Variants in SMIM29 observed in about 807,000 individuals in gnomAD.
SMIM29 encodes the protein uncharacterized protein C6orf1.
A neutral mutation model predicts 12.9 loss-of-function variants in SMIM29; 4 were observed. The ratio of observed to expected loss-of-function variants is 0.31; its 90% confidence interval spans 0.15 to 0.71. The LOEUF (loss-of-function observed/expected upper bound fraction) is 0.71. Ranked by LOEUF, SMIM29 falls within the 30% of genes least tolerant of loss-of-function variation. The probability of loss-of-function intolerance (pLI) is 0.70; values close to 1 mark genes in which losing one functional copy is unlikely to be tolerated. For synonymous variants in SMIM29, 50 were observed against 52.0 expected, an observed-to-expected ratio of 0.96 and a Z score of 0.17; for missense variants, 122 against 138.1, an observed-to-expected ratio of 0.88 and a Z score of 0.58.
rs1380484655 is a variant in SMIM29 at position 34,246,467 on chromosome 6, C to T, written c.*336G>A. ...TCTGGCCCCATCACCATGGAAACAACTCCAAAGCCTGCCTGGGGATTTGTG... is the reference window on the plus strand; with the variant it reads ...TCTGGCCCCATCACCATGGAAACAATTCCAAAGCCTGCCTGGGGATTTGTG... On this transcript the variant is annotated 3_prime_UTR_variant, in exon 5 of 5. Coordinates refer to ENST00000476320, the MANE Select transcript of SMIM29 (RefSeq NM_001008703.4). 3.3e-6 allele frequency: 5 copies of T among 1,515,298 alleles called. No homozygotes were observed. Among genetic ancestry groups the T allele is most frequent in the Non-Finnish European group, 3.5e-6 (4 of 1,133,318 alleles). 93.9% of individuals were successfully genotyped at this position (1,515,298 alleles called of 1,614,324 possible).
intron 4 of SMIM29, 60 bp downstream of exon 4, chr6:34,246,984 G>C: frequency 6.2e-7 from 1 of 1,612,290 alleles, no homozygotes. Context: ...GACGAGTATG[G>C]CTGGGAACAG....
intron 3 of SMIM29, 83 bp from the exon 4 acceptor site, chr6:34,247,232 C>G (rs1762832736): frequency 6.2e-7 from 1 of 1,604,570 alleles, no homozygotes; most frequent in Non-Finnish European, 8.5e-7. Context: ...CTCCCTTTCC[C>G]AGGCAGGGGC....
At chr6:34,248,226 G>T in intron 1 of SMIM29, 1 of 985,472 alleles carries the variant, frequency 1.0e-6, no homozygotes, top group Non-Finnish European at 1.2e-6. Context: ...GCCAGCACCT[G>T]TCCAGTGGAG....
At chr6:34,246,921 G>A (rs1762807694) in intron 4 of SMIM29, 53 bp from the exon 5 acceptor site, 2 of 1,597,708 alleles carry the variant, frequency 1.3e-6, no homozygotes, top group African/African-American at 1.3e-5. Flanking sequence ...CTGGGAGTCT[G>A]CAGCACCCAG....
rs746067941 is a variant in SMIM29 at position 34,246,863 on chromosome 6, T to C, written c.249A>G (p.Val83=). ...LLSDMGDPKV[V]HGWQSGYQHK... is the part of the protein sequence containing the mutation. ...GCTGGTAGCCACTCTGCCAGCCATG[T>C]ACCACCTGTCGGGGAGGAGACCACA... Residue 83 remains valine, a synonymous_variant, in exon 5 of 5, where the codon GTA becomes GTG. Coordinates refer to ENST00000476320, the MANE Select transcript of SMIM29 (RefSeq NM_001008703.4). 1.9e-6 allele frequency: 3 copies of C among 1,608,064 alleles called. No individual in the cohort carries two copies. The highest frequency in any genetic ancestry group is 3.3e-5 in the Admixed American group (2 of 59,882).
At position 34,247,033 on chromosome 6, in the gene SMIM29, C is replaced by G. The variant is rs1317757286; in HGVS notation, c.243+11G>C. On this transcript the variant is annotated intron_variant, in intron 4 of 4. Transcript: ENST00000476320. ...CTTGCCTCATTCTCCCCCTGGCCCC[C>G]AAGTGCTCACCTTGGGGTCTCCCAT... is the stretch of plus-strand genomic sequence containing the variant. 6.2e-7 allele frequency: 1 copy of G among 1,614,104 alleles called. No homozygotes were observed. The highest frequency in any genetic ancestry group is 8.5e-7 in the Non-Finnish European group (1 of 1,180,022).
intron 3 of SMIM29, 49 bp downstream of exon 3, chr6:34,247,418 T>C (rs774315505): frequency 1.3e-6 from 2 of 1,557,718 alleles, no homozygotes; most frequent in Non-Finnish European, 1.7e-6. Context: ...TGAGCAGGAA[T>C]TTCAGAACGG....
chr6:34,246,453 C>T lies in SMIM29; in HGVS notation c.*350G>A, dbSNP rs934915814. On this transcript the variant is annotated 3_prime_UTR_variant, in exon 5 of 5. Coordinates refer to ENST00000476320, the MANE Select transcript of SMIM29 (RefSeq NM_001008703.4). ...CTGAATACTATACATCTGGCCCCAT[C>T]ACCATGGAAACAACTCCAAAGCCTG... The T allele has an allele frequency of 4.0e-6, 6 of 1,503,520 alleles. No individual in the cohort carries two copies. The African/African-American group carries it at 4.2e-5, about 11-fold the overall frequency. The allele number at this position is 1,503,520 out of a possible 1,614,324, so 93.1% of individuals were successfully genotyped here.
chr6:34,246,483 GGGATTTGTGCCCAA>G lies in SMIM29; in HGVS notation c.*306_*319del, dbSNP rs1762759756. On this transcript the variant is annotated 3_prime_UTR_variant, in exon 5 of 5. Coordinates refer to ENST00000476320, the MANE Select transcript of SMIM29 (RefSeq NM_001008703.4). ...TGGAAACAACTCCAAAGCCTGCCTG[GGGATTTGTGCCCAA>G]GCCCAGCCCAGGAGGGCTAGAGAAA... 1 of 1,517,916 alleles carries G rather than the reference GGGATTTGTGCCCAA, an allele frequency of 6.6e-7. No homozygotes were observed. Among genetic ancestry groups the G allele is most frequent in the South Asian group, 1.3e-5 (1 of 75,296 alleles). The allele number at this position is 1,517,916 out of a possible 1,614,324, so 94.0% of individuals were successfully genotyped here.
At chr6:34,248,436 C>T (rs1762892434) in intron 1 of SMIM29, 1 of 982,684 alleles carries the variant, frequency 1.0e-6, no homozygotes, top group South Asian at 4.7e-5. Flanking sequence ...TCTCGTGTGC[C>T]AGGGTGGACA....
chr6:34,247,176 T>G (rs368641615), intron 3 of SMIM29, 27 bp from the exon 4 acceptor site: 1 of 1,612,172 alleles, frequency 6.2e-7, no homozygotes, highest in East Asian at 2.2e-5. Flanking sequence ...GGGACTCAGC[T>G]AGGAGGTCCC....
In SMIM29 at chr6:34,246,653, T is replaced by A. The variant is rs770397540; in HGVS notation, c.*150A>T. 8.1e-6 allele frequency: 13 copies of A among 1,613,722 alleles called. No homozygotes were observed. Among genetic ancestry groups the A allele is most frequent in the Non-Finnish European group, 1.0e-5 (12 of 1,179,942 alleles). On this transcript the variant is annotated 3_prime_UTR_variant, in exon 5 of 5. Transcript: ENST00000476320. Reference sequence around the variant, plus strand: ...GGGCAGTGAGGTGATGGTGAGGGCATGGGAAGCAGATGCTGCTGAGGGTGG... The same window carrying A: ...GGGCAGTGAGGTGATGGTGAGGGCAAGGGAAGCAGATGCTGCTGAGGGTGG...
chr6:34,247,625 C>G, intron 2 of SMIM29, 56 bp downstream of exon 2: 2 of 1,442,930 alleles, frequency 1.4e-6, no homozygotes, highest in Non-Finnish European at 1.8e-6. Flanking sequence ...CCAGGCCCAC[C>G]CAGCCCCTGC....
chr6:34,246,854 C>G lies in SMIM29; in HGVS notation c.258G>C (p.Trp86Cys), dbSNP rs765182842. Residue 86 changes from tryptophan to cysteine, a missense_variant, in exon 5 of 5, where the codon TGG becomes TGC. Physicochemically the swap from Trp to Cys is radical, Grantham distance 215. Coordinates refer to ENST00000476320, the MANE Select transcript of SMIM29 (RefSeq NM_001008703.4). ...DMGDPKVVHG[W>C]QSGYQHKRMP... ...TCCGCTTGTGCTGGTAGCCACTCTG[C>G]CAGCCATGTACCACCTGTCGGGGAG... The G allele has an allele frequency of 6.8e-6, 11 of 1,609,482 alleles. 1 individual carries two copies. The South Asian group carries it at 1.1e-4, about 16-fold the overall frequency.
At chr6:34,248,848 C>G in intron 1 of SMIM29, 131 bp downstream of exon 1, 2 of 985,670 alleles carry the variant, frequency 2.0e-6, no homozygotes, top group Non-Finnish European at 2.4e-6. Flanking sequence ...CGCTGGGAGG[C>G]TCAGGCCGGA....
At chr6:34,247,590 C>T (rs1762853889) in intron 2 of SMIM29, 91 bp downstream of exon 2, 1 of 1,499,168 alleles carries the variant, frequency 6.7e-7, no homozygotes, top group Non-Finnish European at 8.9e-7. Context: ...CTTAACAGGA[C>T]AGTGGGGACT....
chr6:34,247,491 A>C lies in SMIM29; in HGVS notation c.113T>G (p.Val38Gly). ...ITLVGVVVAV[V>G]MYVQKKKRVD... Reference sequence around the variant, plus strand: ...CCGCTTTTTCTTCTGTACATACATTACCTGCAACAGAGACACAGCACTGTG... The same window carrying C: ...CCGCTTTTTCTTCTGTACATACATTCCCTGCAACAGAGACACAGCACTGTG... Residue 38 changes from valine to glycine, a missense_variant and splice_region_variant, in exon 3 of 5, where the codon GTA becomes GGA. Val to Gly is a moderately radical substitution (Grantham distance 109). Coordinates refer to ENST00000476320, the MANE Select transcript of SMIM29 (RefSeq NM_001008703.4). 1 of 1,576,900 alleles carries C rather than the reference A, an allele frequency of 6.3e-7. No individual in the cohort carries two copies. The highest frequency in any genetic ancestry group is 1.3e-5 in the African/African-American group (1 of 74,644).
Position 34,248,628 on chromosome 6 carries a change from G to C in SMIM29, c.-74+351C>G, listed in dbSNP as rs983534826. ...GGCAGTTTGCACGCTGATGGCCCAA[G>C]GTCCGCGACCCAGGTTCGCTTGAGT... On this transcript the variant is annotated intron_variant, in intron 1 of 4. Transcript: ENST00000476320. 5.1e-6 allele frequency: 5 copies of C among 985,486 alleles called. No individual in the cohort carries two copies. In the African/African-American group the frequency reaches 8.7e-5, roughly 17 times the overall value. 61.0% of individuals were successfully genotyped at this position (985,486 alleles called of 1,614,324 possible).
At position 34,247,990 on chromosome 6, in the gene SMIM29, G is replaced by T. The variant is rs946579227; in HGVS notation, c.-73-126C>A. 9 of 1,228,920 alleles carry T rather than the reference G, an allele frequency of 7.3e-6. No individual in the cohort carries two copies. The African/African-American group carries it at 1.4e-4, about 19-fold the overall frequency. 76.1% of individuals were successfully genotyped at this position (1,228,920 alleles called of 1,614,324 possible). A position where few individuals can be genotyped will look rare whatever the true frequency, so the allele number is the denominator to read the frequency against. On this transcript the variant is annotated intron_variant, in intron 1 of 4. Transcript: ENST00000476320. The stretch of plus-strand genomic sequence containing the variant: ...AAATCCTGGGAGGAGGGATCCTCCA[G>T]GTAGATGTACTGGGTGTGACCCTCC...
Sources: allele counts gnomAD v4.1 joint callset, GRCh38; gene constraint gnomAD v4.1.1; transcripts MANE v1.5; gene names NCBI Gene and HGNC (gene_info 2026-07-23, HGNC 2026-07-21).